Variants in NEK11 observed in about 807,000 individuals in gnomAD.
NEK11 encodes serine/threonine-protein kinase Nek11.
Under a neutral mutation model 80.7 loss-of-function variants are expected in NEK11, and 72 were observed. The ratio of observed to expected loss-of-function variants is 0.89; its 90% confidence interval spans 0.74 to 1.08. NEK11 has a LOEUF of 1.08. Ranked by LOEUF, NEK11 falls within the 50% of genes least tolerant of loss-of-function variation. The probability of loss-of-function intolerance (pLI) is 0.00; values close to 1 mark genes in which losing one functional copy is unlikely to be tolerated. For synonymous variants in NEK11, 251 were observed against 260.7 expected (o/e 0.96, Z 0.36); for missense variants, 764 against 763.6 (o/e 1.00, Z -0.01).
At chr3:131,263,975 A>AT in intron 16 of NEK11, among the ~76,000 whole-genome samples, 1 of 152,168 alleles carries the variant, frequency 6.6e-6, no homozygotes. Context: ...GTTGATGAGC[A>AT]TTTTTTCATG....
intron 5 of NEK11, among the ~76,000 whole-genome samples, chr3:131,113,632 G>T (rs553972000): frequency 6.6e-6 from 1 of 152,088 alleles, no homozygotes; most frequent in Admixed American, 6.6e-5. Context: ...GAAAAAGCAG[G>T]CCGGGCACAG....
At chr3:131,281,924 C>T (rs1359369384) in intron 17 of NEK11, among the ~76,000 whole-genome samples, 1 of 152,144 alleles carries the variant, frequency 6.6e-6, no homozygotes, top group Non-Finnish European at 1.5e-5. Context: ...TCATGTCTTA[C>T]AGCAAACACA....
At chr3:131,177,730 A>T (rs1013394093) in intron 14 of NEK11, among the ~76,000 whole-genome samples, 21 of 152,334 alleles carry the variant, frequency 1.4e-4, no homozygotes, top group Middle Eastern at 3.4e-3. Context: ...TTTGTTAACA[A>T]GTCTTTGGAA....
At chr3:131,337,572 A>G (rs1239847917) in intron 17 of NEK11, among the ~76,000 whole-genome samples, 3 of 152,238 alleles carry the variant, frequency 2.0e-5, no homozygotes, top group African/African-American at 7.2e-5. Context: ...ATATGTAACT[A>G]ACCTGCACAT....
At chr3:131,040,000 G>A (rs2066230482) in intron 3 of NEK11, among the ~76,000 whole-genome samples, 1 of 148,686 alleles carries the variant, frequency 6.7e-6, no homozygotes, top group Non-Finnish European at 1.5e-5. Context: ...ATCTATGTGG[G>A]AAATAAACAT....
At chr3:131,208,003 C>T (rs2094495818) in intron 14 of NEK11, among the ~76,000 whole-genome samples, 1 of 152,142 alleles carries the variant, frequency 6.6e-6, no homozygotes, top group Non-Finnish European at 1.5e-5. Flanking sequence ...GCTTTTATTG[C>T]CATTGCTTTT....
intron 17 of NEK11, among the ~76,000 whole-genome samples, chr3:131,300,432 T>C (rs2096648430): frequency 6.6e-6 from 1 of 152,238 alleles, no homozygotes; most frequent in Non-Finnish European, 1.5e-5. Flanking sequence ...ACTTTTGTCA[T>C]CTTCATCATT....
intron 7 of NEK11, among the ~76,000 whole-genome samples, chr3:131,139,353 G>GAAA (rs71622003): frequency 1.9e-5 from 2 of 107,564 alleles, no homozygotes; most frequent in Non-Finnish European, 3.5e-5. Context: ...AGAGAAAAAA[G>GAAA]AAAAAAAAAA....
intron 5 of NEK11, among the ~76,000 whole-genome samples, chr3:131,130,187 G>A (rs2084172266): frequency 6.6e-6 from 1 of 151,870 alleles, no homozygotes; most frequent in Non-Finnish European, 1.5e-5. Context: ...TTCATTTCAG[G>A]GGTACTAATG....
chr3:131,181,614 C>T (rs6767832), intron 14 of NEK11, among the ~76,000 whole-genome samples: 9,843 of 151,788 alleles, frequency 0.065, 412 homozygotes, highest in Non-Finnish European at 0.096. Flanking sequence ...GGTGTGGTGG[C>T]GGGCGCCTGT....
chr3:131,190,862 C>G (rs2093766443), intron 14 of NEK11, among the ~76,000 whole-genome samples: 1 of 152,010 alleles, frequency 6.6e-6, no homozygotes, highest in East Asian at 1.9e-4. Flanking sequence ...CATTTAACAA[C>G]ATAAAAATAA....
rs143988468 is a variant in NEK11, at chr3:131,314,130, A to AGTGTGTGTGT, written c.1719-35412_1719-35403dup. On this transcript the variant is annotated intron_variant, in intron 17 of 17. Coordinates refer to ENST00000383366, the MANE Select transcript of NEK11 (RefSeq NM_024800.5). ...TTCCAATTTATCCATGGAGAAAAAG[A>AGTGTGTGTGT]GTGTGTGTGTGTGTGTGTGTGTGTC... 2.8e-3 allele frequency among the ~76,000 whole-genome samples: 411 copies of AGTGTGTGTGT among 149,330 alleles called. 2 individuals are homozygous for AGTGTGTGTGT. The highest frequency in any genetic ancestry group is 9.5e-3 in the African/African-American group (386 of 40,704).
chr3:131,125,668 T>C (rs1014468541), intron 5 of NEK11, among the ~76,000 whole-genome samples: 1 of 152,236 alleles, frequency 6.6e-6, no homozygotes, highest in African/African-American at 2.4e-5. Flanking sequence ...TGTCACATTA[T>C]GTAGTACAGC....
intron 16 of NEK11, among the ~76,000 whole-genome samples, chr3:131,253,279 C>A (rs2095742920): frequency 6.6e-6 from 1 of 151,984 alleles, no homozygotes; most frequent in African/African-American, 2.4e-5. Flanking sequence ...ACATGAAGGC[C>A]CCTCATTTAC....
At position 131,186,495 on chromosome 3, in the gene NEK11, G is replaced by A. The variant is rs531574526; in HGVS notation, c.1399+15608G>A. 3.3e-5 allele frequency among the ~76,000 whole-genome samples: 5 copies of A among 152,250 alleles called. No individual in the cohort carries two copies. In the South Asian group the frequency reaches 1.0e-3, roughly 32 times the overall value. On this transcript the variant is annotated intron_variant, in intron 14 of 17. Transcript: ENST00000383366. ...CATGACCTAATTCACGCCAAGGAAG[G>A]CATTTCTAAATGGGCGCCCTCCTGT...
At chr3:131,220,058 C>A (rs1333994911) in intron 14 of NEK11, among the ~76,000 whole-genome samples, 1 of 152,216 alleles carries the variant, frequency 6.6e-6, no homozygotes, top group Non-Finnish European at 1.5e-5. Flanking sequence ...GGCAGTTTTT[C>A]TCAGAAGCAG....
intron 14 of NEK11, among the ~76,000 whole-genome samples, chr3:131,214,060 C>T (rs2094728580): frequency 6.6e-6 from 1 of 152,180 alleles, no homozygotes; most frequent in Non-Finnish European, 1.5e-5. Context: ...GAGCCTTCAA[C>T]CAGACACTGA....
intron 14 of NEK11, among the ~76,000 whole-genome samples, chr3:131,196,318 GA>G (rs1211594887): frequency 6.6e-6 from 1 of 150,688 alleles, no homozygotes; most frequent in East Asian, 1.9e-4. Context: ...TGCCTGTTTG[GA>G]AAAAAAATAG....
chr3:131,322,779 G>A (rs186047762), intron 17 of NEK11, among the ~76,000 whole-genome samples: 51 of 152,278 alleles, frequency 3.3e-4, no homozygotes, highest in South Asian at 2.1e-4. Context: ...TAAATTGTCA[G>A]TCTGACCCTG....
Sources: allele counts gnomAD v4.1 joint callset (sites outside exome capture counted in the v4.1 genomes callset), GRCh38; gene constraint gnomAD v4.1.1; transcripts MANE v1.5; gene names NCBI Gene and HGNC (gene_info 2026-07-23, HGNC 2026-07-21).